PRMT3: variants seen among roughly 807,000 people sequenced by gnomAD.
PRMT3 encodes the protein protein arginine N-methyltransferase 3.
PRMT3 carries 62 observed loss-of-function variants against 71.9 expected under a neutral mutation model. That is an observed-to-expected ratio of 0.86 (90% CI 0.70 to 1.07). The LOEUF (loss-of-function observed/expected upper bound fraction) is 1.07, where lower values mean the gene tolerates loss of function less well. Among genes scored for constraint, PRMT3 ranks in the 50% least tolerant of loss-of-function variants. The pLI, the probability that PRMT3 is intolerant of heterozygous loss-of-function variation, is 0.00. For synonymous variants in PRMT3, 213 were observed against 220.4 expected, an observed-to-expected ratio of 0.97 and a Z score of 0.30; for missense variants, 663 against 643.0, an observed-to-expected ratio of 1.03 and a Z score of -0.34.
At chr11:20,397,010 A>T (rs1226001692) in intron 6 of PRMT3, among the ~76,000 whole-genome samples, 1 of 152,156 alleles carries the variant, frequency 6.6e-6, no homozygotes, top group Non-Finnish European at 1.5e-5. Context: ...TATGCTAGGT[A>T]ACCAAGTAAC....
intron 13 of PRMT3, among the ~76,000 whole-genome samples, chr11:20,473,442 T>G (rs1285787007): frequency 6.6e-6 from 1 of 152,180 alleles, no homozygotes; most frequent in East Asian, 1.9e-4. Flanking sequence ...TTTGTTCTCA[T>G]TAGTTTCAAA....
chr11:20,472,279 G>C (rs1451118574), intron 13 of PRMT3, among the ~76,000 whole-genome samples: 1 of 152,156 alleles, frequency 6.6e-6, no homozygotes, highest in East Asian at 1.9e-4. Flanking sequence ...TCTTGTGCCT[G>C]TTTTCAAGGG....
intron 13 of PRMT3, among the ~76,000 whole-genome samples, chr11:20,478,950 C>T (rs557654687): frequency 1.5e-4 from 23 of 152,272 alleles, no homozygotes; most frequent in African/African-American, 4.3e-4. Flanking sequence ...AATCAGCTAA[C>T]GAAACTAATT....
intron 11 of PRMT3, among the ~76,000 whole-genome samples, chr11:20,459,988 C>T (rs944267370): frequency 1.3e-5 from 2 of 152,160 alleles, no homozygotes; most frequent in Non-Finnish European, 2.9e-5. Flanking sequence ...CCCTCACATG[C>T]CTATCAGGGA....
At chr11:20,462,764 T>C (rs1340429900) in intron 12 of PRMT3, among the ~76,000 whole-genome samples, 2 of 152,264 alleles carry the variant, frequency 1.3e-5, no homozygotes, top group Admixed American at 6.5e-5. Context: ...CTAATAACTT[T>C]GCAGCAAAAA....
At chr11:20,413,836 CTATAACA>C (rs1849245986) in intron 9 of PRMT3, among the ~76,000 whole-genome samples, 1 of 152,170 alleles carries the variant, frequency 6.6e-6, no homozygotes, top group South Asian at 2.1e-4. Context: ...TTGGAGTTTT[CTATAACA>C]TCAGTCAACA....
chr11:20,411,808 C>T (rs187428821), intron 9 of PRMT3, among the ~76,000 whole-genome samples: 2 of 152,238 alleles, frequency 1.3e-5, no homozygotes, highest in East Asian at 3.9e-4. Context: ...TAAAACATTG[C>T]ACATGAGAGC....
chr11:20,393,516 C>T (rs1848762157), intron 5 of PRMT3, among the ~76,000 whole-genome samples: 1 of 152,128 alleles, frequency 6.6e-6, no homozygotes, highest in South Asian at 2.1e-4. Context: ...TTATATTTTA[C>T]TGAAAAATTG....
At chr11:20,482,739 A>C (rs949668421) in intron 13 of PRMT3, among the ~76,000 whole-genome samples, 6 of 152,114 alleles carry the variant, frequency 3.9e-5, no homozygotes, top group African/African-American at 1.4e-4. Context: ...AGATCTTCTA[A>C]AAATCCTGAA....
At chr11:20,481,888 A>G (rs538651147) in intron 13 of PRMT3, among the ~76,000 whole-genome samples, 2 of 151,404 alleles carry the variant, frequency 1.3e-5, no homozygotes, top group African/African-American at 4.9e-5. Context: ...TTTTCAACCC[A>G]TTCTTTGTGT....
intron 10 of PRMT3, among the ~76,000 whole-genome samples, chr11:20,444,643 T>A (rs187373688): frequency 6.6e-6 from 1 of 152,318 alleles, no homozygotes; most frequent in East Asian, 1.9e-4. Context: ...CCTTTAAATT[T>A]GTTCAGACTT....
At chr11:20,460,254 T>C (rs1850353791) in intron 11 of PRMT3, among the ~76,000 whole-genome samples, 1 of 152,238 alleles carries the variant, frequency 6.6e-6, no homozygotes, top group Non-Finnish European at 1.5e-5. Context: ...TTTGTTTGTT[T>C]GTTTTTGTTT....
intron 3 of PRMT3, among the ~76,000 whole-genome samples, chr11:20,390,978 A>T (rs1349402180): frequency 6.6e-6 from 1 of 151,822 alleles, no homozygotes; most frequent in East Asian, 2.0e-4. Context: ...TGAACCCGGG[A>T]GGCGGAGGTT....
intron 9 of PRMT3, among the ~76,000 whole-genome samples, chr11:20,409,414 T>G (rs1016822626): frequency 6.6e-6 from 1 of 152,184 alleles, no homozygotes; most frequent in Non-Finnish European, 1.5e-5. Flanking sequence ...TACGTATATA[T>G]AAATCAGTTT....
intron 2 of PRMT3, among the ~76,000 whole-genome samples, chr11:20,388,631 A>G (rs932632139): frequency 6.6e-6 from 1 of 152,242 alleles, no homozygotes; most frequent in African/African-American, 2.4e-5. Flanking sequence ...TTTGACCAGT[A>G]CAGAGCTTCT....
intron 15 of PRMT3, among the ~76,000 whole-genome samples, chr11:20,497,406 A>G (rs1444062812): frequency 6.6e-6 from 1 of 152,230 alleles, no homozygotes; most frequent in Non-Finnish European, 1.5e-5. Flanking sequence ...ATCACAAAAT[A>G]TTAGAATCCC....
intron 11 of PRMT3, among the ~76,000 whole-genome samples, chr11:20,456,282 G>A (rs539548701): frequency 5.9e-5 from 9 of 152,210 alleles, no homozygotes; most frequent in South Asian, 2.1e-4. Flanking sequence ...AGTCTCTGTC[G>A]TACTAAGAAA....
At chr11:20,445,245 A>G (rs1849998966) in intron 10 of PRMT3, among the ~76,000 whole-genome samples, 1 of 151,946 alleles carries the variant, frequency 6.6e-6, no homozygotes, top group Non-Finnish European at 1.5e-5. Flanking sequence ...TTAGCTTGTG[A>G]TTATTTGCCT....
intron 9 of PRMT3, among the ~76,000 whole-genome samples, chr11:20,421,014 A>G (rs563335405): frequency 6.6e-6 from 1 of 152,180 alleles, no homozygotes; most frequent in East Asian, 1.9e-4. Context: ...ATACGTAATT[A>G]ATCAGAGTTT....
Sources: allele counts gnomAD v4.1 joint callset (sites outside exome capture counted in the v4.1 genomes callset), GRCh38; gene constraint gnomAD v4.1.1; transcripts MANE v1.5; gene names NCBI Gene and HGNC (gene_info 2026-07-23, HGNC 2026-07-21).